The following ZNF394 variants were observed in gnomAD, a reference collection of about 807,000 sequenced individuals.
ZNF394 encodes the protein zinc finger protein 394.
ZNF394 carries 19 observed loss-of-function variants against 21.8 expected under a neutral mutation model. The observed-to-expected ratio is 0.87, with a 90% CI of 0.61 to 1.28. The LOEUF is 1.28. Ranked by LOEUF, ZNF394 falls within the 50% of genes most tolerant of loss-of-function variation. ZNF394 has a pLI of 0.00. For missense variants in ZNF394, 683 were observed against 708.6 expected (o/e 0.96, Z 0.41); for synonymous variants, 294 against 273.3 (o/e 1.08, Z -0.75).
downstream of ZNF394, among the ~76,000 whole-genome samples, chr7:99,490,090 G>A (rs992775406): frequency 6.6e-6 from 1 of 151,644 alleles, no homozygotes; most frequent in African/African-American, 2.4e-5. Flanking sequence ...TGAGGCAGGT[G>A]GATCACTTCA....
At chr7:99,488,066 C>T (rs1176047296) in intron 1 of ZNF394, among the ~76,000 whole-genome samples, 7 of 116,980 alleles carry the variant, frequency 6.0e-5, no homozygotes, top group Admixed American at 1.8e-4. Context: ...AGCGAGACTC[C>T]GTCTCAAAAA....
intron 2 of ZNF394, among the ~76,000 whole-genome samples, chr7:99,496,001 A>G (rs918887823): frequency 6.6e-6 from 1 of 152,024 alleles, no homozygotes; most frequent in African/African-American, 2.4e-5. Context: ...GGCTCACTGC[A>G]ACCTCCACCT....
Position 99,494,413 on chromosome 7 carries a change from A to T in ZNF394, c.802T>A (p.Ser268Thr). The T allele has an allele frequency of 6.2e-7, 1 of 1,614,072 alleles. No homozygotes were observed. The highest frequency in any genetic ancestry group is 8.5e-7 in the Non-Finnish European group (1 of 1,180,008). Residue 268 changes from serine to threonine, a missense_variant, in exon 3 of 3, where the codon TCA (serine) becomes ACA (threonine). Physicochemically the swap from Ser to Thr is moderately conservative, Grantham distance 58. Transcript: ENST00000337673. ...ATGGAACCATTCTTATTGACATCTG[A>T]GATGCTGTTGAGTCCTTCTGCTTCA... ...SPEAEGLNSISDVNKNGSIEG... is the reference protein window; with the variant it reads ...SPEAEGLNSITDVNKNGSIEG...
At chr7:99,490,009 AAAAC>A (rs1800127080), downstream of ZNF394, among the ~76,000 whole-genome samples, 4 of 151,914 alleles carry the variant, frequency 2.6e-5, no homozygotes, top group African/African-American at 4.8e-5. Context: ...CGTGTCAAAA[AAAAC>A]AAACAAATAT....
chr7:99,497,384 G>C (rs1800369932), intron 2 of ZNF394, among the ~76,000 whole-genome samples: 2 of 150,398 alleles, frequency 1.3e-5, no homozygotes, highest in South Asian at 2.1e-4. Flanking sequence ...GTTTCACCGT[G>C]TTAGCCAGGA....
chr7:99,487,928 C>T (rs907663637), intron 1 of ZNF394, among the ~76,000 whole-genome samples: 15 of 152,114 alleles, frequency 9.9e-5, no homozygotes, highest in African/African-American at 2.4e-4. Context: ...AAAAATTAGC[C>T]GGGTGTGGTG....
In ZNF394 at chr7:99,497,118, GTGTGTA is replaced by G. The variant is rs1554380694; in HGVS notation, c.583+1592_583+1597del. On this transcript the variant is annotated intron_variant, in intron 2 of 2. Coordinates refer to ENST00000337673, the MANE Select transcript of ZNF394 (RefSeq NM_032164.4). ...TGTGTGTGTGTGTGTGTGTGTGTGT[GTGTGTA>G]TATATATATATATATATGTATATAT... is the stretch of plus-strand genomic sequence containing the variant. Among the ~76,000 whole-genome samples the G allele has an allele frequency of 6.9e-3, 675 of 97,132 alleles. 7 individuals carry two copies. Among genetic ancestry groups the G allele is most frequent in the East Asian group, 0.039 (115 of 2,968 alleles). The allele number at this position is 97,132 out of a possible 152,430, so 63.7% of individuals were successfully genotyped here. A position where few individuals can be genotyped will look rare whatever the true frequency, so the allele number is the denominator to read the frequency against.
chr7:99,490,428 T>A (rs975769338), downstream of ZNF394, among the ~76,000 whole-genome samples: 1 of 152,092 alleles, frequency 6.6e-6, no homozygotes, highest in Non-Finnish European at 1.5e-5. Flanking sequence ...GTGCTGGGCT[T>A]ACAGGCGTGA....
At chr7:99,498,689 A>G in intron 2 of ZNF394, 27 bp downstream of exon 2, 1 of 1,613,634 alleles carries the variant, frequency 6.2e-7, no homozygotes, top group South Asian at 1.1e-5. Flanking sequence ...ACACACCGCA[A>G]TAAACCAGCA....
chr7:99,493,731 T>G lies in ZNF394; in HGVS notation c.1484A>C (p.Lys495Thr). 1 of 1,614,224 alleles carries G rather than the reference T, an allele frequency of 6.2e-7. No individual in the cohort carries two copies. Among genetic ancestry groups the G allele is most frequent in the African/African-American group, 1.3e-5 (1 of 75,084 alleles). Residue 495 changes from lysine (K) to threonine (T), a missense_variant, in exon 3 of 3, where the codon AAG becomes ACG. Lys to Thr is a moderately conservative substitution (Grantham distance 78). Around this residue, in one of 3 missense-constraint regions of ZNF394, gnomAD observed 274 missense variants for 314.1 expected, o/e 0.87. Transcript: ENST00000337673. ...CCCACAGACGGAACATCCATAGGGCTTCTCCCCAGTGTGGATTCTGTGGTG... is the reference window on the plus strand; with the variant it reads ...CCCACAGACGGAACATCCATAGGGCGTCTCCCCAGTGTGGATTCTGTGGTG... ...FKHHRIHTGE[K>T]PYGCSVCGKR...
intron 1 of ZNF394, chr7:99,487,276 C>G (rs1274052410): frequency 1.2e-6 from 2 of 1,614,186 alleles, no homozygotes; most frequent in Non-Finnish European, 1.7e-6. Flanking sequence ...GAATGTGGAT[C>G]TCATTCAGCA....
downstream of ZNF394, among the ~76,000 whole-genome samples, chr7:99,488,930 C>CA (rs1182283444): frequency 0.017 from 847 of 50,980 alleles, 18 homozygotes; most frequent in East Asian, 0.15. Context: ...GACTCCATCT[C>CA]AAAAAAAAAA....
At position 99,494,039 on chromosome 7, in the gene ZNF394, C is replaced by A; in HGVS notation, c.1176G>T (p.Gly392=). ...GEKPYGCQEC[G]KSFSQSAALT... The stretch of plus-strand genomic sequence containing the variant: ...GGGCAGCACTCTGGCTGAAGCTTTT[C>A]CCACATTCTTGGCAGCCATAGGGTT... Residue 392 remains glycine (G), a synonymous_variant, in exon 3 of 3, where the codon GGG becomes GGT. Coordinates refer to ENST00000337673, the MANE Select transcript of ZNF394 (RefSeq NM_032164.4). 1 of 1,614,068 alleles carries A rather than the reference C, an allele frequency of 6.2e-7. No homozygotes were observed. Among genetic ancestry groups the A allele is most frequent in the Non-Finnish European group, 8.5e-7 (1 of 1,180,022 alleles).
At chr7:99,488,805 A>G (rs982428062), downstream of ZNF394, among the ~76,000 whole-genome samples, 6 of 150,438 alleles carry the variant, frequency 4.0e-5, no homozygotes, top group South Asian at 2.1e-4. Context: ...GTGGGCGCCT[A>G]TAATCCCAGC....
At chr7:99,495,611 C>T (rs1342489610) in intron 2 of ZNF394, among the ~76,000 whole-genome samples, 1 of 150,694 alleles carries the variant, frequency 6.6e-6, no homozygotes, top group Admixed American at 6.7e-5. Context: ...AGGCGTGAGC[C>T]ACCACACCCA....
At chr7:99,490,081 G>A (rs550672787), downstream of ZNF394, among the ~76,000 whole-genome samples, 1 of 151,932 alleles carries the variant, frequency 6.6e-6, no homozygotes, top group South Asian at 2.1e-4. Context: ...TTGGGATGCT[G>A]AGGCAGGTGG....
chr7:99,489,161 G>A (rs1396095671), downstream of ZNF394, among the ~76,000 whole-genome samples: 1 of 151,034 alleles, frequency 6.6e-6, no homozygotes, highest in Non-Finnish European at 1.5e-5. Context: ...GTGCGCGCCT[G>A]TAGTCCCAGC....
chr7:99,490,146 CTTTTTTTTTTTTTTT>C (rs943034221), downstream of ZNF394, among the ~76,000 whole-genome samples: 1 of 89,194 alleles, frequency 1.1e-5, no homozygotes, highest in East Asian at 4.0e-4. Context: ...AAAACCTCAT[CTTTTTTTTTTTTTTT>C]TTTTTTTTTG....
chr7:99,489,929 C>T (rs567825047), downstream of ZNF394, among the ~76,000 whole-genome samples: 14 of 151,852 alleles, frequency 9.2e-5, no homozygotes, highest in South Asian at 8.3e-4. Flanking sequence ...TGCTTGAACC[C>T]GGGAGGTGGA....
Sources: gnomAD v4.1 joint callset for allele counts (sites outside exome capture counted in the v4.1 genomes callset) on GRCh38, gnomAD v4.1.1 for gene constraint, gnomAD v4.1.1 regional missense constraint, MANE v1.5 for transcripts, NCBI Gene and HGNC (gene_info 2026-07-23, HGNC 2026-07-21) for gene names.